Variants in DYM observed in about 807,000 individuals in gnomAD.
The protein encoded by DYM is dyggve-Melchior-Clausen syndrome protein.
DYM carries 78 observed loss-of-function variants against 93.1 expected under a neutral mutation model. The observed-to-expected ratio is 0.84, with a 90% CI of 0.70 to 1.01. The LOEUF (loss-of-function observed/expected upper bound fraction) is 1.01, where lower values mean the gene tolerates loss of function less well. Among genes scored for constraint, DYM ranks in the 50% least tolerant of loss-of-function variants. DYM has a pLI of 0.00. For synonymous variants in DYM, 321 were observed against 319.7 expected, an observed-to-expected ratio of 1.00 and a Z score of -0.04; for missense variants, 789 against 845.0, an observed-to-expected ratio of 0.93 and a Z score of 0.82.
intron 8 of DYM, among the ~76,000 whole-genome samples, chr18:49,294,843 G>C (rs2060420410): frequency 6.6e-6 from 1 of 151,904 alleles, no homozygotes; most frequent in Admixed American, 6.6e-5. Context: ...CTCCTAAAAG[G>C]GGCATATCAT....
At chr18:49,242,345 C>T (rs1387167556) in intron 13 of DYM, among the ~76,000 whole-genome samples, 2 of 152,086 alleles carry the variant, frequency 1.3e-5, no homozygotes, top group Non-Finnish European at 2.9e-5. Flanking sequence ...AACTGGGAGG[C>T]GGAGGTTGCA....
At chr18:49,308,880 T>C (rs2061425715) in intron 8 of DYM, among the ~76,000 whole-genome samples, 1 of 152,120 alleles carries the variant, frequency 6.6e-6, no homozygotes, top group Non-Finnish European at 1.5e-5. Flanking sequence ...AAGTGTTATC[T>C]GGAATGGCAA....
chr18:49,081,079 G>A (rs1391021510), intron 17 of DYM, among the ~76,000 whole-genome samples: 5 of 150,974 alleles, frequency 3.3e-5, no homozygotes, highest in South Asian at 2.1e-4. Flanking sequence ...AGGCAGAGAC[G>A]CTCCTCACTT....
intron 17 of DYM, among the ~76,000 whole-genome samples, chr18:49,084,994 T>C (rs2145270611): frequency 6.6e-6 from 1 of 152,358 alleles, no homozygotes; most frequent in African/African-American, 2.4e-5. Context: ...AGCCATTATA[T>C]GGATACTCAC....
chr18:49,056,263 G>A (rs756404306), intron 17 of DYM, among the ~76,000 whole-genome samples: 1 of 152,182 alleles, frequency 6.6e-6, no homozygotes, highest in Admixed American at 6.5e-5. Flanking sequence ...CTGAAGACAG[G>A]CCATTTTCAT....
intron 1 of DYM, among the ~76,000 whole-genome samples, chr18:49,455,029 C>T (rs2082862915): frequency 2.0e-5 from 3 of 151,840 alleles, no homozygotes; most frequent in Non-Finnish European, 4.4e-5. Context: ...ACTTTCCACT[C>T]CTTAACCCAC....
chr18:49,097,014 A>G (rs1177487783), intron 17 of DYM, among the ~76,000 whole-genome samples: 1 of 152,218 alleles, frequency 6.6e-6, no homozygotes, highest in Non-Finnish European at 1.5e-5. Flanking sequence ...TGAGCTTGAT[A>G]TAACACATTT....
intron 13 of DYM, among the ~76,000 whole-genome samples, chr18:49,216,737 A>G (rs1440429697): frequency 6.6e-6 from 1 of 152,168 alleles, no homozygotes. Context: ...GGACATCCAC[A>G]CCAAAAACCC....
chr18:49,055,270 A>G (rs1409560113), intron 17 of DYM, among the ~76,000 whole-genome samples: 1 of 152,050 alleles, frequency 6.6e-6, no homozygotes, highest in East Asian at 1.9e-4. Context: ...AGGTGGGTGG[A>G]GGCACGGAGG....
intron 8 of DYM, among the ~76,000 whole-genome samples, chr18:49,292,230 C>T (rs1360244625): frequency 6.6e-6 from 1 of 151,972 alleles, no homozygotes; most frequent in African/African-American, 2.4e-5. Flanking sequence ...TGAGAAGCTG[C>T]TTCTAATGTC....
At chr18:49,315,150 G>A (rs1224658166) in intron 8 of DYM, among the ~76,000 whole-genome samples, 2 of 151,886 alleles carry the variant, frequency 1.3e-5, no homozygotes, top group Non-Finnish European at 2.9e-5. Context: ...GAGAGGCGGA[G>A]GTTGCAGTGA....
chr18:49,103,358 A>G (rs1307193101), intron 16 of DYM, among the ~76,000 whole-genome samples: 1 of 152,160 alleles, frequency 6.6e-6, no homozygotes, highest in African/African-American at 2.4e-5. Context: ...CCCATTCTGT[A>G]GGTTGCCTGT....
chr18:49,441,345 TTAA>T (rs2081602355), intron 1 of DYM, among the ~76,000 whole-genome samples: 1 of 82,066 alleles, frequency 1.2e-5, no homozygotes, highest in Non-Finnish European at 2.3e-5. Context: ...TTATATATAA[TTAA>T]TATATAATTA....
At chr18:49,268,860 A>G (rs1181814296) in intron 11 of DYM, among the ~76,000 whole-genome samples, 1 of 152,166 alleles carries the variant, frequency 6.6e-6, no homozygotes, top group Non-Finnish European at 1.5e-5. Flanking sequence ...CAGTGAAAAT[A>G]TTACTTCTCA....
At position 49,231,555 on chromosome 18, in the gene DYM, T is replaced by C. The variant is rs1034025144; in HGVS notation, c.1461-21840A>G. Among the ~76,000 whole-genome samples the C allele has an allele frequency of 1.6e-3, 249 of 152,356 alleles. 4 individuals carry two copies. Among genetic ancestry groups the C allele is most frequent in the Non-Finnish European group, 2.9e-4 (20 of 68,032 alleles). On this transcript the variant is annotated intron_variant, in intron 13 of 17. Coordinates refer to ENST00000675505, the MANE Select transcript of DYM (RefSeq NM_001353214.3). ...TTCTCTTAGGTCTTTCCCAGGACTC[T>C]TTCCCAAGTGAAAATGCAGGTCACA...
At chr18:49,168,420 A>C (rs1170013299) in intron 14 of DYM, among the ~76,000 whole-genome samples, 1 of 152,228 alleles carries the variant, frequency 6.6e-6, no homozygotes, top group Non-Finnish European at 1.5e-5. Flanking sequence ...AGCATTTCAC[A>C]AAAGAAAGCA....
chr18:49,381,086 T>A (rs1192202091), intron 3 of DYM, among the ~76,000 whole-genome samples: 1 of 152,088 alleles, frequency 6.6e-6, no homozygotes, highest in African/African-American at 2.4e-5. Flanking sequence ...AACCTTGAGC[T>A]CCTGGGTTCA....
intron 16 of DYM, among the ~76,000 whole-genome samples, chr18:49,102,851 TTGTGA>T (rs1417543576): frequency 6.6e-6 from 1 of 152,212 alleles, no homozygotes; most frequent in Non-Finnish European, 1.5e-5. Flanking sequence ...GTCTTTGCTA[TTGTGA>T]ATAGTGCTGC....
At chr18:49,160,914 T>G (rs1426702558) in intron 15 of DYM, among the ~76,000 whole-genome samples, 1 of 152,206 alleles carries the variant, frequency 6.6e-6, no homozygotes, top group Non-Finnish European at 1.5e-5. Flanking sequence ...TTACTGCTGT[T>G]TGTTTAATCA....
Sources: gnomAD v4.1 joint callset for allele counts (sites outside exome capture counted in the v4.1 genomes callset) on GRCh38, gnomAD v4.1.1 for gene constraint, MANE v1.5 for transcripts, NCBI Gene and HGNC (gene_info 2026-07-23, HGNC 2026-07-21) for gene names.